The following ZC4H2 variants were observed in gnomAD, a reference collection of about 807,000 sequenced individuals.
ZC4H2 encodes the protein zinc finger C4H2 domain-containing protein.
For synonymous variants in ZC4H2, 84 were observed against 66.3 expected (o/e 1.27, Z -1.30); for missense variants, 137 against 173.9 (o/e 0.79, Z 1.19).
At chrX:64,980,583 A>G, upstream of ZC4H2, among the ~76,000 whole-genome samples, 1 of 112,418 alleles carries the variant, frequency 8.9e-6, no homozygotes. Context: ...AGGGATATAT[A>G]GTGCTTTGCA....
chrX:64,958,059 AT>A (rs771450059), intron 1 of ZC4H2, among the ~76,000 whole-genome samples: 3 of 109,706 alleles, frequency 2.7e-5, no homozygotes, highest in Non-Finnish European at 5.7e-5. Flanking sequence ...TTTTACAGTT[AT>A]TTTTTTTTAA....
intron 1 of ZC4H2, among the ~76,000 whole-genome samples, chrX:64,936,813 A>T (rs1364778351): frequency 1.8e-5 from 2 of 112,055 alleles, no homozygotes; most frequent in Non-Finnish European, 3.8e-5. Flanking sequence ...CAGTCACTGC[A>T]AAAACAACAA....
intron 1 of ZC4H2, among the ~76,000 whole-genome samples, chrX:65,020,906 C>T (rs1182928472): frequency 1.8e-5 from 2 of 111,267 alleles, no homozygotes; most frequent in African/African-American, 6.6e-5. Context: ...AGACTTTAAA[C>T]CAACAAAGCT....
intron 1 of ZC4H2, among the ~76,000 whole-genome samples, chrX:64,958,216 G>A (rs1931234961): frequency 8.9e-6 from 1 of 112,287 alleles, no homozygotes; most frequent in African/African-American, 3.2e-5. Flanking sequence ...GACTGGCAGT[G>A]CAGTATCATC....
At chrX:65,005,106 T>C (rs754542030) in intron 1 of ZC4H2, among the ~76,000 whole-genome samples, 26 of 111,789 alleles carry the variant, frequency 2.3e-4, no homozygotes, top group African/African-American at 8.5e-4. Flanking sequence ...GGAAAAACAT[T>C]CTATGCTCAT....
At chrX:64,988,582 GT>G (rs1239693142) in intron 1 of ZC4H2, among the ~76,000 whole-genome samples, 6 of 106,277 alleles carry the variant, frequency 5.6e-5, no homozygotes, top group East Asian at 2.9e-4. Context: ...TGATGGGTTT[GT>G]TTTTTTTTTC....
chrX:64,928,841 TCTCCTC>T (rs1165203586), intron 1 of ZC4H2, among the ~76,000 whole-genome samples: 2 of 100,515 alleles, frequency 2.0e-5, no homozygotes, highest in African/African-American at 7.3e-5. Flanking sequence ...TCCTCCTCCT[TCTCCTC>T]CTCCTCCTTC....
intron 1 of ZC4H2, among the ~76,000 whole-genome samples, chrX:64,986,742 A>G (rs28703051): frequency 0.23 from 25,434 of 109,799 alleles, 7,308 homozygotes; most frequent in African/African-American, 0.81. Flanking sequence ...GAGAAAAGCC[A>G]GTCTTCATTT....
intron 1 of ZC4H2, among the ~76,000 whole-genome samples, chrX:64,999,373 G>A (rs1259614467): frequency 1.8e-5 from 2 of 112,012 alleles, no homozygotes; most frequent in Admixed American, 1.9e-4. Context: ...GGGAAGCCCT[G>A]AGGGGCTGTG....
At chrX:64,955,118 G>A (rs930058411) in intron 1 of ZC4H2, among the ~76,000 whole-genome samples, 2 of 111,416 alleles carry the variant, frequency 1.8e-5, no homozygotes, top group African/African-American at 6.5e-5. Flanking sequence ...ATATTAATGT[G>A]GTGTCTTCTA....
At chrX:64,978,511 C>A (rs1932016402), upstream of ZC4H2, among the ~76,000 whole-genome samples, 1 of 111,642 alleles carries the variant, frequency 9.0e-6, no homozygotes, top group African/African-American at 3.3e-5. Flanking sequence ...GCGTTAAGTG[C>A]CTGACATGTA....
chrX:64,950,676 C>T (rs1930764484), intron 1 of ZC4H2, among the ~76,000 whole-genome samples: 1 of 111,025 alleles, frequency 9.0e-6, no homozygotes, highest in Admixed American at 9.6e-5. Context: ...GCAATCCCCA[C>T]CTTTTTTGTT....
intron 1 of ZC4H2, among the ~76,000 whole-genome samples, chrX:65,028,262 C>A (rs1932900425): frequency 9.0e-6 from 1 of 111,387 alleles, no homozygotes; most frequent in South Asian, 3.8e-4. Flanking sequence ...ATTTATTCAA[C>A]AAAGATTTAT....
chrX:64,961,204 T>A (rs1180022577), intron 1 of ZC4H2, among the ~76,000 whole-genome samples: 1 of 111,858 alleles, frequency 8.9e-6, no homozygotes, highest in East Asian at 2.8e-4. Context: ...CATAATGTTC[T>A]TCTTTGTTTT....
At chrX:64,950,559 T>C (rs773864752) in intron 1 of ZC4H2, among the ~76,000 whole-genome samples, 257 of 111,414 alleles carry the variant, frequency 2.3e-3, no homozygotes, top group South Asian at 0.015. Context: ...ATATTTAGGA[T>C]AGTTAGCTCT....
intron 1 of ZC4H2, among the ~76,000 whole-genome samples, chrX:65,029,969 G>A (rs1195509446): frequency 9.0e-6 from 1 of 111,226 alleles, no homozygotes; most frequent in African/African-American, 3.3e-5. Context: ...ACATCAATTT[G>A]CGTTAAAAGG....
intron 1 of ZC4H2, among the ~76,000 whole-genome samples, chrX:64,922,436 C>T (rs923731901): frequency 1.8e-5 from 2 of 111,734 alleles, no homozygotes; most frequent in African/African-American, 6.5e-5. Flanking sequence ...CAGAGCAAGA[C>T]CTTGTCTCAA....
intron 1 of ZC4H2, among the ~76,000 whole-genome samples, chrX:64,955,752 A>G (rs996004127): frequency 8.9e-6 from 1 of 112,139 alleles, no homozygotes; most frequent in African/African-American, 3.2e-5. Context: ...TGTTGTGTGT[A>G]CTTATGGGGT....
intron 1 of ZC4H2, among the ~76,000 whole-genome samples, chrX:64,999,465 G>A (rs1332164618): frequency 1.8e-5 from 2 of 112,377 alleles, no homozygotes. Context: ...GATTCCCTTG[G>A]GTGCCTATGC....
Sources: allele counts gnomAD v4.1 joint callset (sites outside exome capture counted in the v4.1 genomes callset), GRCh38; gene constraint gnomAD v4.1.1; transcripts MANE v1.5; gene names NCBI Gene and HGNC (gene_info 2026-07-23, HGNC 2026-07-21).